NDST1: variants seen among roughly 807,000 people sequenced by gnomAD.
NDST1 encodes N-deacetylase and N-sulfotransferase 1, also known as bifunctional heparan sulfate N-deacetylase/N-sulfotransferase 1.
NDST1 carries 35 observed loss-of-function variants against 92.8 expected under a neutral mutation model. The ratio of observed to expected loss-of-function variants is 0.38; its 90% CI spans 0.29 to 0.50. The LOEUF (loss-of-function observed/expected upper bound fraction) is 0.50. Ranked by LOEUF, NDST1 falls within the 20% of genes least tolerant of loss-of-function variation. The probability of loss-of-function intolerance (pLI) is 0.94; values close to 1 mark genes in which losing one functional copy is unlikely to be tolerated. For synonymous variants in NDST1, 493 were observed against 500.3 expected (o/e 0.99, Z 0.19); for missense variants, 822 against 1,182.7 (o/e 0.69, Z 4.47).
chr5:150,520,773 C>G (rs1334459570), intron 1 of NDST1, 95 bp from the exon 2 acceptor site: 1 of 398,126 alleles, frequency 2.5e-6, no homozygotes, highest in South Asian at 1.4e-4. Context: ...GCCGTACTTG[C>G]ATTTGGGCAT....
rs760521729 is a variant in NDST1, at chr5:150,540,267, G to C, written c.1749+3G>C. The C allele has an allele frequency of 4.4e-6, 7 of 1,598,900 alleles. No homozygotes were observed. The highest frequency in any genetic ancestry group is 6.0e-6 in the Non-Finnish European group (7 of 1,170,556). On this transcript the variant is annotated splice_donor_region_variant and intron_variant, in intron 8 of 14. Transcript: ENST00000261797. ...AGGAGAAGGACCCGCTCTGGCAGGT[G>C]GGGGGCTGGGCAGCCTGGGCAGGTT...
intron 10 of NDST1, among the ~76,000 whole-genome samples, chr5:150,544,566 C>T (rs994312104): frequency 6.6e-6 from 1 of 152,196 alleles, no homozygotes; most frequent in Non-Finnish European, 1.5e-5. Flanking sequence ...TCAGCCCCAC[C>T]TCACAGGATA....
Position 150,553,902 on chromosome 5 carries a change from C to G in NDST1, c.*570C>G. The G allele has an allele frequency of 2.4e-6, 1 of 424,644 alleles. No individual in the cohort carries two copies. Among genetic ancestry groups the G allele is most frequent in the East Asian group, 3.3e-5 (1 of 30,430 alleles). The allele number at this position is 424,644 out of a possible 1,614,324, so 26.3% of individuals were successfully genotyped here. ...CCACATCTGGTTCCTACCTTCACAT[C>G]TCACCCTCCCGTTCTGGGGAAGAAT... On this transcript the variant is annotated 3_prime_UTR_variant, in exon 15 of 15. Coordinates refer to ENST00000261797, the MANE Select transcript of NDST1 (RefSeq NM_001543.5). This position sits in a 1 kb window ranked among gnomAD's most constrained non-coding sequence, Gnocchi z 4.2.
chr5:150,530,100 A>G lies in NDST1; in HGVS notation c.1008+1802A>G, dbSNP rs543923369. ...GGGGTGAATGGGAAGTTTTCAGGCT[A>G]TTTCCTGGTGCCCAGGGGTCTCCCA... On this transcript the variant is annotated intron_variant, in intron 3 of 14. Coordinates refer to ENST00000261797, the MANE Select transcript of NDST1 (RefSeq NM_001543.5). Among the ~76,000 whole-genome samples, 4 of 152,142 alleles carry G rather than the reference A, an allele frequency of 2.6e-5. No individual in the cohort carries two copies. In the South Asian group the frequency reaches 8.3e-4, roughly 32 times the overall value.
chr5:150,511,923 G>C (rs1753741817), intron 1 of NDST1, among the ~76,000 whole-genome samples: 1 of 151,772 alleles, frequency 6.6e-6, no homozygotes, highest in African/African-American at 2.4e-5. Context: ...GTGGAGCTGG[G>C]AAGCTGTGGG....
At chr5:150,546,786 T>A (rs1157701638) in intron 11 of NDST1, among the ~76,000 whole-genome samples, 1 of 152,270 alleles carries the variant, frequency 6.6e-6, no homozygotes, top group Non-Finnish European at 1.5e-5. Flanking sequence ...TGCCACTCTC[T>A]GAGGCTGGTG....
chr5:150,532,922 C>T, intron 3 of NDST1, 23 bp from the exon 4 acceptor site: 1 of 1,611,120 alleles, frequency 6.2e-7, no homozygotes, highest in Non-Finnish European at 8.5e-7. Context: ...CTCACTCATT[C>T]CTTTCTCCCC....
At position 150,553,263 on chromosome 5, in the gene NDST1, C is replaced by T. The variant is rs149711145; in HGVS notation, c.2580C>T (p.Ser860=). Residue 860 remains serine, a synonymous_variant, in exon 15 of 15, where the codon TCC becomes TCT. Coordinates refer to ENST00000261797, the MANE Select transcript of NDST1 (RefSeq NM_001543.5). The surrounding 1 kb of genome is among the most constrained non-coding windows in gnomAD (Gnocchi z 4.2). ...DYYRDHNIEL[S]KLLYKMGQTL... is the part of the protein sequence containing the mutation. ...ACCGGGACCACAACATCGAGCTCTCCAAGCTGCTGTATAAGATGGGCCAGA... is the reference window on the plus strand; with the variant it reads ...ACCGGGACCACAACATCGAGCTCTCTAAGCTGCTGTATAAGATGGGCCAGA... 6.2e-7 allele frequency: 1 copy of T among 1,613,914 alleles called. No individual in the cohort carries two copies. The highest frequency in any genetic ancestry group is 8.5e-7 in the Non-Finnish European group (1 of 1,179,848).
At chr5:150,520,447 C>T (rs1304643369) in intron 1 of NDST1, among the ~76,000 whole-genome samples, 2 of 152,228 alleles carry the variant, frequency 1.3e-5, no homozygotes, top group East Asian at 3.9e-4. Context: ...ATGTGGTATT[C>T]AGTCGTGATT....
Position 150,528,109 on chromosome 5 carries a change from C to A in NDST1, c.819C>A (p.His273Gln). ...HATVVQDLGL[H>Q]DGIQRVLFGN... ...CTGTGGTCCAGGACCTGGGCCTGCA[C>A]GACGGCATCCAGCGCGTGCTGTTTG... The change falls in exon 3 of 15, where the codon CAC becomes CAA. Residue 273 changes from histidine (H) to glutamine (Q), a missense_variant. His to Gln is a conservative substitution (Grantham distance 24). Coordinates refer to ENST00000261797, the MANE Select transcript of NDST1 (RefSeq NM_001543.5). 2.5e-6 allele frequency: 4 copies of A among 1,614,000 alleles called. No homozygotes were observed. Among genetic ancestry groups the A allele is most frequent in the Non-Finnish European group, 3.4e-6 (4 of 1,179,874 alleles).
chr5:150,537,647 C>T (rs1352104418), intron 6 of NDST1, among the ~76,000 whole-genome samples: 2 of 152,204 alleles, frequency 1.3e-5, no homozygotes, highest in Non-Finnish European at 1.5e-5. Flanking sequence ...AATTTCGCCC[C>T]GTCCTGTGAT....
chr5:150,531,371 G>A (rs987558200), intron 3 of NDST1, among the ~76,000 whole-genome samples: 4 of 152,152 alleles, frequency 2.6e-5, no homozygotes, highest in East Asian at 1.9e-4. Flanking sequence ...GAGCATGCAC[G>A]TCCACCAGGC....
chr5:150,528,022 C>G lies in NDST1; in HGVS notation c.732C>G (p.Arg244=). ...TYEPVLLAKT[R]SSESIPHLGA... The stretch of plus-strand genomic sequence containing the variant: ...AGCCAGTGCTGCTGGCCAAGACGCG[C>G]TCGTCTGAGTCCATCCCACACCTGG... The change falls in exon 3 of 15, where the codon CGC becomes CGG. Residue 244 remains arginine (R), a synonymous_variant. Transcript: ENST00000261797. 1.9e-6 allele frequency: 3 copies of G among 1,613,690 alleles called. No individual in the cohort carries two copies. The highest frequency in any genetic ancestry group is 2.5e-6 in the Non-Finnish European group (3 of 1,179,806).
chr5:150,517,696 T>C (rs1392282475), intron 1 of NDST1, among the ~76,000 whole-genome samples: 3 of 152,206 alleles, frequency 2.0e-5, no homozygotes, highest in African/African-American at 7.2e-5. Flanking sequence ...GCGCATATTT[T>C]TTATGTCTGA....
At chr5:150,519,893 C>CA (rs369670574) in intron 1 of NDST1, among the ~76,000 whole-genome samples, 5 of 152,162 alleles carry the variant, frequency 3.3e-5, no homozygotes, top group Non-Finnish European at 5.9e-5. Context: ...GGCCTGGGTG[C>CA]AGGCGGTGCG....
intron 1 of NDST1, among the ~76,000 whole-genome samples, chr5:150,514,519 C>T (rs1435989651): frequency 1.3e-5 from 2 of 148,632 alleles, no homozygotes; most frequent in African/African-American, 5.0e-5. Context: ...CAAGATAGTG[C>T]CATTGCACTC....
chr5:150,545,507 G>C (rs1287065782), intron 11 of NDST1, 21 bp downstream of exon 11: 1 of 1,614,008 alleles, frequency 6.2e-7, no homozygotes, highest in Admixed American at 1.7e-5. Flanking sequence ...CTGGGGTGGA[G>C]TCCCTGTGTC....
At chr5:150,539,108 G>A in intron 6 of NDST1, 120 bp from the exon 7 acceptor site, 1 of 812,706 alleles carries the variant, frequency 1.2e-6, no homozygotes, top group Non-Finnish European at 2.1e-6. Context: ...TAGGGGCTGT[G>A]CGACCACATG....
rs527999661 is a variant in NDST1 at position 150,530,612 on chromosome 5, G to A, written c.1008+2314G>A. On this transcript the variant is annotated intron_variant, in intron 3 of 14. Coordinates refer to ENST00000261797, the MANE Select transcript of NDST1 (RefSeq NM_001543.5). ...AGAGTCTTACTCTGCCACCCAGGCT[G>A]GAGTGCAGTGGCGGGATCACAGCTC... is the stretch of plus-strand genomic sequence containing the variant. Among the ~76,000 whole-genome samples the A allele has an allele frequency of 9.1e-5, 13 of 142,200 alleles. 1 individual carries two copies. Among genetic ancestry groups the A allele is most frequent in the African/African-American group, 2.7e-4 (10 of 36,662 alleles). 93.3% of individuals were successfully genotyped at this position (142,200 alleles called of 152,430 possible). A position where few individuals can be genotyped will look rare whatever the true frequency, so the allele number is the denominator to read the frequency against.
Sources: allele counts gnomAD v4.1 joint callset (sites outside exome capture counted in the v4.1 genomes callset), GRCh38; gene constraint gnomAD v4.1.1; non-coding constraint Gnocchi (gnomAD v3.1); transcripts MANE v1.5; gene names NCBI Gene and HGNC (gene_info 2026-07-23, HGNC 2026-07-21).